FANCC: variants seen among roughly 807,000 people sequenced by gnomAD.
FANCC encodes Fanconi anemia group C protein.
Under a neutral mutation model 71.3 loss-of-function variants are expected in FANCC, and 55 were observed. That is an observed-to-expected ratio of 0.77 (90% confidence interval 0.62 to 0.97). The LOEUF is 0.97. Among genes scored for constraint, FANCC ranks in the 50% least tolerant of loss-of-function variants. The pLI, the probability that FANCC is intolerant of heterozygous loss-of-function variation, is 0.00. For synonymous variants in FANCC, 275 were observed against 244.9 expected (o/e 1.12, Z -1.15); for missense variants, 678 against 670.9 (o/e 1.01, Z -0.12).
At chr9:95,312,227 C>T (rs1035506500) in intron 1 of FANCC, among the ~76,000 whole-genome samples, 1 of 152,216 alleles carries the variant, frequency 6.6e-6, no homozygotes, top group Admixed American at 6.5e-5. Flanking sequence ...AATGAACAGA[C>T]TAAATACTCT....
At chr9:95,197,131 C>G (rs1185134326) in intron 4 of FANCC, among the ~76,000 whole-genome samples, 2 of 152,066 alleles carry the variant, frequency 1.3e-5, no homozygotes, top group African/African-American at 4.8e-5. Flanking sequence ...AGTTGTGAAC[C>G]CTCTTCCAGG....
intron 1 of FANCC, among the ~76,000 whole-genome samples, chr9:95,283,090 T>C (rs1490785572): frequency 6.6e-6 from 1 of 152,206 alleles, no homozygotes; most frequent in South Asian, 2.1e-4. Context: ...TTTGTTGTTG[T>C]TTTGTTTTGA....
intron 1 of FANCC, among the ~76,000 whole-genome samples, chr9:95,302,711 C>T (rs1418064620): frequency 1.3e-5 from 2 of 152,196 alleles, no homozygotes; most frequent in African/African-American, 4.8e-5. Context: ...ACATTCAGCA[C>T]AGCAAACCAG....
Position 95,249,852 on chromosome 9 carries a change from G to A in FANCC, c.-78-483C>T, listed in dbSNP as rs914564650. ...AAATCTCTATGCATTACTGTCTAAC[G>A]AATTTTTTTCCCAGTTTCTCTTCAT... is the stretch of plus-strand genomic sequence containing the variant. On this transcript the variant is annotated intron_variant, in intron 1 of 14. Coordinates refer to ENST00000289081, the MANE Select transcript of FANCC (RefSeq NM_000136.3). Among the ~76,000 whole-genome samples the A allele has an allele frequency of 2.0e-5, 3 of 152,028 alleles. No individual in the cohort carries two copies. In the South Asian group the frequency reaches 6.2e-4, roughly 32 times the overall value.
chr9:95,144,862 G>A (rs573528769), intron 7 of FANCC, among the ~76,000 whole-genome samples: 2 of 152,262 alleles, frequency 1.3e-5, no homozygotes, highest in East Asian at 1.9e-4. Context: ...CGCGCCGCAC[G>A]TTCACAACGC....
intron 12 of FANCC, 198 bp downstream of exon 12, chr9:95,114,431 C>G (rs2072226713): frequency 3.0e-6 from 2 of 670,658 alleles, no homozygotes; most frequent in Non-Finnish European, 5.5e-6. Context: ...CATGCGCATG[C>G]CTATTCATCC....
In FANCC at chr9:95,271,927, C is replaced by CTTTTT. The variant is rs869093626; in HGVS notation, c.-78-22563_-78-22559dup. Among the ~76,000 whole-genome samples, 240 of 50,508 alleles carry CTTTTT rather than the reference C, an allele frequency of 4.8e-3. 74 individuals are homozygous for CTTTTT. The highest frequency in any genetic ancestry group is 0.037 in the South Asian group (43 of 1,174). 33.1% of individuals were successfully genotyped at this position (50,508 alleles called of 152,430 possible). On this transcript the variant is annotated intron_variant, in intron 1 of 14. Transcript: ENST00000289081. ...TTCCATCAATCCCATCAAGCCTCTT[C>CTTTTT]TTTTTTTTTTTTTTTTTTTTTTTTT...
At chr9:95,316,127 T>C (rs1035811149) in intron 1 of FANCC, among the ~76,000 whole-genome samples, 4 of 152,248 alleles carry the variant, frequency 2.6e-5, no homozygotes, top group African/African-American at 9.6e-5. Flanking sequence ...GAATGTATAA[T>C]ATACAAAGTA....
chr9:95,160,241 C>T (rs1018680690), intron 6 of FANCC, among the ~76,000 whole-genome samples: 6 of 152,306 alleles, frequency 3.9e-5, no homozygotes, highest in Admixed American at 2.0e-4. Flanking sequence ...CAGCTTTCTA[C>T]ATATGGCTAG....
chr9:95,220,466 C>G (rs1173254624), intron 4 of FANCC, among the ~76,000 whole-genome samples: 1 of 152,186 alleles, frequency 6.6e-6, no homozygotes, highest in Non-Finnish European at 1.5e-5. Context: ...TTGGAACCAA[C>G]CCAAATGTCC....
intron 4 of FANCC, among the ~76,000 whole-genome samples, chr9:95,227,390 C>T (rs979464668): frequency 1.3e-5 from 2 of 152,150 alleles, no homozygotes; most frequent in Admixed American, 1.3e-4. Flanking sequence ...TCCAGAGGAG[C>T]CAACCAAACC....
chr9:95,211,251 A>G (rs774438700), intron 4 of FANCC, among the ~76,000 whole-genome samples: 68 of 152,348 alleles, frequency 4.5e-4, no homozygotes, highest in Middle Eastern at 6.8e-3. Flanking sequence ...TGAGCAGAGC[A>G]CAGAAGTTTC....
intron 1 of FANCC, among the ~76,000 whole-genome samples, chr9:95,254,006 AC>A (rs1323240065): frequency 6.6e-6 from 1 of 151,788 alleles, no homozygotes; most frequent in Non-Finnish European, 1.5e-5. Context: ...CCTACTACTT[AC>A]CTCCTGCTGT....
At chr9:95,192,291 T>C (rs1827163053) in intron 4 of FANCC, among the ~76,000 whole-genome samples, 1 of 152,206 alleles carries the variant, frequency 6.6e-6, no homozygotes, top group African/African-American at 2.4e-5. Flanking sequence ...CACCTTCACT[T>C]GTTCCCAGAT....
intron 4 of FANCC, among the ~76,000 whole-genome samples, chr9:95,194,939 C>A (rs1183168901): frequency 1.3e-5 from 2 of 152,116 alleles, no homozygotes; most frequent in African/African-American, 2.4e-5. Flanking sequence ...GTGGCTCACG[C>A]CTGTAATCCC....
At chr9:95,262,016 T>C (rs1049172110) in intron 1 of FANCC, among the ~76,000 whole-genome samples, 7 of 152,330 alleles carry the variant, frequency 4.6e-5, no homozygotes, top group African/African-American at 1.7e-4. Context: ...ATTGCCCTTC[T>C]TCTCACACAT....
At chr9:95,199,958 AAGTT>A (rs1193450410) in intron 4 of FANCC, among the ~76,000 whole-genome samples, 1 of 152,170 alleles carries the variant, frequency 6.6e-6, no homozygotes, top group Non-Finnish European at 1.5e-5. Flanking sequence ...TGATTTATAC[AAGTT>A]AGTAGCTATC....
Position 95,249,041 on chromosome 9 carries a change from G to A in FANCC, c.165+86C>T, listed in dbSNP as rs1186931193. 12 of 1,447,126 alleles carry A rather than the reference G, an allele frequency of 8.3e-6. No individual in the cohort carries two copies. The East Asian group carries it at 9.1e-5, about 11-fold the overall frequency. 89.6% of individuals were successfully genotyped at this position (1,447,126 alleles called of 1,614,324 possible). On this transcript the variant is annotated intron_variant, in intron 2 of 14. Coordinates refer to ENST00000289081, the MANE Select transcript of FANCC (RefSeq NM_000136.3). ...CACTTCAGTCAATACCACAAGTCCC[G>A]ATTCTGGGTGGCATTCTGTCTTGGT...
At chr9:95,242,636 T>G (rs1830706717) in intron 3 of FANCC, among the ~76,000 whole-genome samples, 1 of 152,086 alleles carries the variant, frequency 6.6e-6, no homozygotes, top group South Asian at 2.1e-4. Context: ...TCTCCCAAAA[T>G]TTTATTTTTT....
Sources: gnomAD v4.1 joint callset for allele counts (sites outside exome capture counted in the v4.1 genomes callset) on GRCh38, gnomAD v4.1.1 for gene constraint, MANE v1.5 for transcripts, NCBI Gene and HGNC (gene_info 2026-07-23, HGNC 2026-07-21) for gene names.